Variants in DARS2 observed in about 807,000 individuals in gnomAD.
DARS2 encodes aspartyl-tRNA synthetase 2, mitochondrial.
DARS2 carries 63 observed loss-of-function variants against 83.0 expected under a neutral mutation model. The ratio of observed to expected loss-of-function variants is 0.76; its 90% CI spans 0.62 to 0.94. The LOEUF (loss-of-function observed/expected upper bound fraction) is 0.94, where lower values mean the gene tolerates loss of function less well. Among genes scored for constraint, DARS2 ranks in the 40% least tolerant of loss-of-function variants. DARS2 has a pLI of 0.00. For synonymous variants in DARS2, 250 were observed against 269.3 expected, an observed-to-expected ratio of 0.93 and a Z score of 0.70; for missense variants, 675 against 774.4, an observed-to-expected ratio of 0.87 and a Z score of 1.52.
intron 9 of DARS2, among the ~76,000 whole-genome samples, 186 bp from the exon 10 acceptor site, chr1:173,839,181 G>A (rs1571986470): frequency 6.6e-6 from 1 of 152,114 alleles, no homozygotes; most frequent in Non-Finnish European, 1.5e-5. Flanking sequence ...AATGGTTGTG[G>A]GAACTAAGCA....
At chr1:173,826,302 A>T (rs1652559098) in intron 1 of DARS2, among the ~76,000 whole-genome samples, 1 of 152,190 alleles carries the variant, frequency 6.6e-6, no homozygotes, top group Non-Finnish European at 1.5e-5. Context: ...CACTAGATTC[A>T]TACTAAAGCT....
At chr1:173,848,900 T>A (rs1653541731) in intron 12 of DARS2, among the ~76,000 whole-genome samples, 1 of 152,196 alleles carries the variant, frequency 6.6e-6, no homozygotes, top group South Asian at 2.1e-4. Flanking sequence ...TTCTACTAGT[T>A]GTATGTCAAA....
intron 12 of DARS2, among the ~76,000 whole-genome samples, chr1:173,845,689 C>T (rs577814442): frequency 1.3e-5 from 2 of 152,056 alleles, no homozygotes; most frequent in Non-Finnish European, 2.9e-5. Flanking sequence ...GATCGCACCA[C>T]CGCACTCCAG....
chr1:173,827,618 G>A (rs187854143), intron 2 of DARS2, among the ~76,000 whole-genome samples: 1 of 152,014 alleles, frequency 6.6e-6, no homozygotes, highest in Admixed American at 6.6e-5. Flanking sequence ...GCAACAGAAC[G>A]AGACTCCGTC....
intron 13 of DARS2, chr1:173,851,719 AAATTT>A (rs1291260738): frequency 3.4e-5 from 14 of 406,056 alleles, no homozygotes; most frequent in Non-Finnish European, 4.6e-5. Flanking sequence ...AGCATGATAT[AAATTT>A]ATTTTTTCAC....
chr1:173,833,573 C>T, intron 6 of DARS2, 74 bp downstream of exon 6: 1 of 1,586,052 alleles, frequency 6.3e-7, no homozygotes, highest in South Asian at 1.1e-5. Context: ...TTTATTGTAT[C>T]CTTTCCTTAG....
intron 3 of DARS2, 121 bp downstream of exon 3, chr1:173,828,520 T>A: frequency 1.0e-6 from 1 of 975,114 alleles, no homozygotes. Flanking sequence ...TAATGAAAAC[T>A]GAAAAATATA....
intron 12 of DARS2, 124 bp from the exon 13 acceptor site, chr1:173,850,203 A>T: frequency 1.8e-6 from 2 of 1,132,128 alleles, no homozygotes; most frequent in Non-Finnish European, 2.4e-6. Flanking sequence ...TGGAGATAAT[A>T]GAGACAATCT....
At position 173,833,636 on chromosome 1, in the gene DARS2, G is replaced by A. The variant is rs575323373; in HGVS notation, c.616+137G>A. 42 of 997,786 alleles carry A rather than the reference G, an allele frequency of 4.2e-5. No homozygotes were observed. In the African/African-American group the frequency reaches 6.5e-4, roughly 15 times the overall value. 61.8% of individuals were successfully genotyped at this position (997,786 alleles called of 1,614,324 possible). A position where few individuals can be genotyped will look rare whatever the true frequency, so the allele number is the denominator to read the frequency against. ...TGGAATTCACTCAATGTGTAATGTAGTTTTTGAAGAAAAGTTAACATTATT... is the reference window on the plus strand; with the variant it reads ...TGGAATTCACTCAATGTGTAATGTAATTTTTGAAGAAAAGTTAACATTATT... On this transcript the variant is annotated intron_variant, in intron 6 of 16. Transcript: ENST00000649689.
chr1:173,833,582 A>C, intron 6 of DARS2, 83 bp downstream of exon 6: 5 of 1,557,380 alleles, frequency 3.2e-6, no homozygotes, highest in Non-Finnish European at 8.8e-7. Context: ...TCCTTTCCTT[A>C]GCATGAGGTC....
At chr1:173,832,741 C>G (rs1461526812) in intron 5 of DARS2, among the ~76,000 whole-genome samples, 1 of 148,034 alleles carries the variant, frequency 6.8e-6, no homozygotes, top group Non-Finnish European at 1.5e-5. Flanking sequence ...TGCACTCCAG[C>G]CTGGGTGACA....
In DARS2 at chr1:173,850,463, G is replaced by C. The variant is rs1332964303; in HGVS notation, c.1328G>C (p.Gly443Ala). ...QEEDVVLLTA[G>A]EHNKACSLLG... ...GAAGATGTGGTCCTACTAACTGCTG[G>C]AGAGCACAATAAAGCAGTAAGAAAA... The change falls in exon 13 of 17, where the codon GGA (glycine) becomes GCA (alanine). Residue 443 changes from glycine (G) to alanine (A), a missense_variant. Physicochemically the swap from Gly to Ala is moderately conservative, Grantham distance 60. Transcript: ENST00000649689. 6.2e-7 allele frequency: 1 copy of C among 1,613,946 alleles called. No homozygotes were observed. Among genetic ancestry groups the C allele is most frequent in the South Asian group, 1.1e-5 (1 of 91,062 alleles).
intron 11 of DARS2, 35 bp downstream of exon 11, chr1:173,841,008 G>A: frequency 8.1e-7 from 1 of 1,235,468 alleles, no homozygotes; most frequent in Non-Finnish European, 1.2e-6. Context: ...TCTCTAGAAT[G>A]TATGCTTTGG....
intron 11 of DARS2, among the ~76,000 whole-genome samples, chr1:173,844,037 G>A (rs1014073299): frequency 2.0e-5 from 3 of 152,162 alleles, no homozygotes; most frequent in Admixed American, 1.3e-4. Context: ...TAACATTCCT[G>A]GGGGGAAGAG....
rs149660059 is a variant in DARS2 at position 173,853,873 on chromosome 1, C to A, written c.1642C>A (p.Leu548Met). 3.5e-3 allele frequency: 5,605 copies of A among 1,614,140 alleles called. 25 individuals are homozygous for A. The highest frequency in any genetic ancestry group is 3.0e-3 in the Non-Finnish European group (3,518 of 1,179,988). ...GGSIRIHNAE[L>M]QRYILATLLK... is the part of the protein sequence containing the mutation. ...TTCAATTCGAATTCACAATGCAGAG[C>A]TGCAGCGTTATATCCTGGCAACCTT... is the stretch of plus-strand genomic sequence containing the variant. The change falls in exon 15 of 17, where the codon CTG becomes ATG. Residue 548 changes from leucine (L) to methionine (M), a missense_variant. Physicochemically the swap from Leu to Met is conservative, Grantham distance 15 (BLOSUM62 2). Coordinates refer to ENST00000649689, the MANE Select transcript of DARS2 (RefSeq NM_018122.5).
chr1:173,843,335 C>T lies in DARS2; in HGVS notation c.1129-1894C>T, dbSNP rs1006946804. 4.5e-4 allele frequency among the ~76,000 whole-genome samples: 69 copies of T among 151,840 alleles called. 1 individual carries two copies. The highest frequency in any genetic ancestry group is 7.7e-4 in the Non-Finnish European group (52 of 67,932). ...TAGCACTTTGGGAGGCTGAGGCGGG[C>T]GGATCACGAGGTCAGGAGTTCAAGA... On this transcript the variant is annotated intron_variant, in intron 11 of 16. Transcript: ENST00000649689.
At chr1:173,835,795 T>C (rs1652981786) in intron 7 of DARS2, among the ~76,000 whole-genome samples, 1 of 151,994 alleles carries the variant, frequency 6.6e-6, no homozygotes, top group South Asian at 2.1e-4. Flanking sequence ...GGTTCACGCC[T>C]GTAATCCCAG....
chr1:173,842,963 T>G (rs1013810263), intron 11 of DARS2, among the ~76,000 whole-genome samples: 13 of 150,230 alleles, frequency 8.7e-5, no homozygotes, highest in African/African-American at 2.7e-4. Context: ...AAAAAGTAAT[T>G]TATTGTCCAT....
chr1:173,840,547 G>T (rs1571987462), intron 10 of DARS2, among the ~76,000 whole-genome samples: 2 of 152,230 alleles, frequency 1.3e-5, no homozygotes, highest in East Asian at 3.9e-4. Flanking sequence ...TCTTAATCTG[G>T]TTCTTAAGTC....
Sources: allele counts gnomAD v4.1 joint callset (sites outside exome capture counted in the v4.1 genomes callset), GRCh38; gene constraint gnomAD v4.1.1; transcripts MANE v1.5; gene names NCBI Gene and HGNC (gene_info 2026-07-23, HGNC 2026-07-21).